ZFHX3: variants seen among roughly 807,000 people sequenced by gnomAD.
ZFHX3 encodes the protein zinc finger homeobox protein 3.
Under a neutral mutation model 279.1 loss-of-function variants are expected in ZFHX3, and 42 were observed. That is an observed-to-expected ratio of 0.15 (90% CI 0.12 to 0.19). The LOEUF (loss-of-function observed/expected upper bound fraction) is 0.19. Among genes scored for constraint, ZFHX3 ranks in the 10% least tolerant of loss-of-function variants. The pLI is 1.00. For missense variants in ZFHX3, 4,981 were observed against 4,754.0 expected, an observed-to-expected ratio of 1.05 and a Z score of -1.40; for synonymous variants, 2,293 against 1,957.8, an observed-to-expected ratio of 1.17 and a Z score of -4.52.
At chr16:73,682,810 A>G (rs1395046702) in intron 1 of ZFHX3, among the ~76,000 whole-genome samples, 2 of 146,608 alleles carry the variant, frequency 1.4e-5, no homozygotes, top group Non-Finnish European at 1.5e-5. Flanking sequence ...GAAAGAAAGA[A>G]AGAGAGAAAG....
At chr16:73,687,129 C>T (rs1026341483) in intron 1 of ZFHX3, among the ~76,000 whole-genome samples, 1 of 142,388 alleles carries the variant, frequency 7.0e-6, no homozygotes, top group African/African-American at 2.6e-5. Context: ...TGGCTTACAA[C>T]TGTAATCCCA....
At chr16:73,404,735 A>G (rs2017325570) in intron 3 of ZFHX3, among the ~76,000 whole-genome samples, 1 of 152,116 alleles carries the variant, frequency 6.6e-6, no homozygotes, top group Admixed American at 6.5e-5. Flanking sequence ...TGAGTTCAGG[A>G]TGTCCCCGCG....
intron 4 of ZFHX3, among the ~76,000 whole-genome samples, chr16:73,287,619 TGTGGCTGTGTGG>T: frequency 6.8e-6 from 1 of 146,498 alleles, no homozygotes; most frequent in South Asian, 2.2e-4. Context: ...TGGGTCAGTG[TGTGGCTGTGTGG>T]ATTGGTGTGT....
At chr16:73,665,273 G>C (rs544868387) in intron 2 of ZFHX3, among the ~76,000 whole-genome samples, 1 of 150,842 alleles carries the variant, frequency 6.6e-6, no homozygotes, top group Non-Finnish European at 1.5e-5. Context: ...GAGTGCACTG[G>C]TGCCATCCTG....
chr16:73,890,711 C>T (rs2030506588), intron 1 of ZFHX3, among the ~76,000 whole-genome samples: 1 of 152,142 alleles, frequency 6.6e-6, no homozygotes, highest in Non-Finnish European at 1.5e-5. Flanking sequence ...TTACATCGTC[C>T]TATTTAAATA....
At chr16:73,571,512 G>C (rs1597005098) in intron 2 of ZFHX3, among the ~76,000 whole-genome samples, 1 of 152,278 alleles carries the variant, frequency 6.6e-6, no homozygotes, top group South Asian at 2.1e-4. Context: ...CATGTTAGCT[G>C]TGGGCTATTT....
intron 7 of ZFHX3, among the ~76,000 whole-genome samples, chr16:73,104,616 G>T (rs908813798): frequency 6.6e-6 from 1 of 152,142 alleles, no homozygotes; most frequent in Non-Finnish European, 1.5e-5. Flanking sequence ...GGGGGAGTAC[G>T]TACCACATGA....
At chr16:73,642,226 TC>T (rs2052580059) in intron 2 of ZFHX3, among the ~76,000 whole-genome samples, 3 of 152,220 alleles carry the variant, frequency 2.0e-5, no homozygotes, top group Admixed American at 2.0e-4. Context: ...CGATTCCTAC[TC>T]TACGATGGAT....
chr16:72,875,259 T>A (rs1597334980), intron 4 of ZFHX3, among the ~76,000 whole-genome samples: 3 of 152,356 alleles, frequency 2.0e-5, no homozygotes, highest in Admixed American at 2.0e-4. Flanking sequence ...GGAACACAGC[T>A]CACTGAATAC....
intron 5 of ZFHX3, among the ~76,000 whole-genome samples, chr16:73,216,431 C>G (rs1026279806): frequency 1.3e-4 from 20 of 152,328 alleles, no homozygotes; most frequent in African/African-American, 4.3e-4. Context: ...TGATCTGCTG[C>G]AACAGTACTT....
chr16:73,340,592 C>T (rs1009340704), intron 3 of ZFHX3, among the ~76,000 whole-genome samples: 3 of 152,138 alleles, frequency 2.0e-5, no homozygotes, highest in Non-Finnish European at 4.4e-5. Context: ...CCTAGGCTGG[C>T]CTTGAACTCC....
chr16:73,753,785 G>GTT (rs34956657), intron 1 of ZFHX3, among the ~76,000 whole-genome samples: 344 of 148,604 alleles, frequency 2.3e-3, no homozygotes, highest in Admixed American at 4.0e-3. Flanking sequence ...TCAATAAGGT[G>GTT]TTTTTTTTTT....
intron 1 of ZFHX3, among the ~76,000 whole-genome samples, chr16:73,876,995 G>A (rs2029969962): frequency 6.6e-6 from 1 of 151,208 alleles, no homozygotes; most frequent in African/African-American, 2.4e-5. Context: ...GAGAAATCAT[G>A]CTAAATACGA....
Position 72,788,833 on chromosome 16 carries a change from T to G in ZFHX3, c.9443A>C (p.Lys3148Thr). 2 of 1,520,754 alleles carry G rather than the reference T, an allele frequency of 1.3e-6. No homozygotes were observed. The highest frequency in any genetic ancestry group is 1.8e-6 in the Non-Finnish European group (2 of 1,137,070). 94.2% of individuals were successfully genotyped at this position (1,520,754 alleles called of 1,614,324 possible). Residue 3148 changes from lysine (K) to threonine (T), a missense_variant, in exon 10 of 10, where the codon AAG (lysine) becomes ACG (threonine). This residue lies in a region of ZFHX3 where 1,034 missense variants were observed against 786.0 expected (regional missense o/e 1.32). Coordinates refer to ENST00000268489, the MANE Select transcript of ZFHX3 (RefSeq NM_006885.4). ...GCTGGGCAGACCCATCAAGTTCGGC[T>G]TAGGAGACGTTAAAGCTGAAAGGAA... Reference protein sequence around the residue: ...TPSNTALTSPKPNLMGLPSTT... With the variant: ...TPSNTALTSPTPNLMGLPSTT...
rs917189979 is a variant in ZFHX3 at position 73,714,389 on chromosome 16, T to G, written c.-1607-34149A>C. On this transcript the variant is annotated intron_variant, in intron 1 of 17. Coordinates refer to the ZFHX3 transcript ENST00000641206. ...CACATCTCCATTCCCAAGCACGGGT[T>G]AGGGGACTCCATTTGCCTCAACTTC... Among the ~76,000 whole-genome samples, 46 of 152,168 alleles carry G rather than the reference T, an allele frequency of 3.0e-4. 1 individual carries two copies. The highest frequency in any genetic ancestry group is 2.9e-3 in the Admixed American group (44 of 15,284).
At chr16:73,844,812 GGGTAGACAGAT>G (rs2142373478) in intron 1 of ZFHX3, among the ~76,000 whole-genome samples, 1 of 151,802 alleles carries the variant, frequency 6.6e-6, no homozygotes, top group East Asian at 1.9e-4. Context: ...GTAGATCAAT[GGGTAGACAGAT>G]GGTAGACGGA....
intron 3 of ZFHX3, chr16:73,387,284 G>A (rs878975524): frequency 3.3e-5 from 5 of 152,110 alleles, no homozygotes; most frequent in Admixed American, 3.3e-4. Context: ...CTCCCATTGT[G>A]GAAATTTCAC....
At chr16:73,682,924 GAGAAAGAA>G (rs764517017) in intron 1 of ZFHX3, among the ~76,000 whole-genome samples, 656 of 43,352 alleles carry the variant, frequency 0.015, 18 homozygotes, top group Non-Finnish European at 0.025. Flanking sequence ...AAGAGAGAAA[GAGAAAGAA>G]AGAAAGAAAG....
chr16:72,935,800 A>C (rs886113375), intron 3 of ZFHX3, among the ~76,000 whole-genome samples: 2 of 152,090 alleles, frequency 1.3e-5, no homozygotes, highest in African/African-American at 4.8e-5. Flanking sequence ...TAGTCTACCT[A>C]ATATCCCCAA....
Sources: gnomAD v4.1 joint callset for allele counts (sites outside exome capture counted in the v4.1 genomes callset) on GRCh38, gnomAD v4.1.1 for gene constraint, gnomAD v4.1.1 regional missense constraint, MANE v1.5 for transcripts, NCBI Gene and HGNC (gene_info 2026-07-23, HGNC 2026-07-21) for gene names.